CTNNA3: variants seen among roughly 807,000 people sequenced by gnomAD.
The protein encoded by CTNNA3 is catenin alpha 3.
In CTNNA3, 76 loss-of-function variants were observed where a neutral mutation model predicts 95.7. The observed-to-expected ratio is 0.79, with a 90% confidence interval of 0.66 to 0.96. CTNNA3 has a LOEUF of 0.96. Ranked by LOEUF, CTNNA3 falls within the 40% of genes least tolerant of loss-of-function variation. The pLI, the probability that CTNNA3 is intolerant of heterozygous loss-of-function variation, is 0.00. For missense variants in CTNNA3, 1,191 were observed against 1,089.8 expected (o/e 1.09, Z -1.31); for synonymous variants, 431 against 374.4 (o/e 1.15, Z -1.74).
In CTNNA3 at chr10:66,362,569, C is replaced by T. The variant is rs1357893925; in HGVS notation, c.1732+16583G>A. On this transcript the variant is annotated intron_variant, in intron 12 of 17. Coordinates refer to ENST00000433211, the MANE Select transcript of CTNNA3 (RefSeq NM_013266.4). The stretch of plus-strand genomic sequence containing the variant: ...CTACTAAAAAATACAAAAAATTAGC[C>T]GGGTGTGGTGGTGTATGCCAGTAGT... Among the ~76,000 whole-genome samples the T allele has an allele frequency of 8.6e-5, 13 of 151,870 alleles. No individual in the cohort carries two copies. The East Asian group carries it at 2.0e-3, about 23-fold the overall frequency.
chr10:66,143,840 T>C (rs914095236), intron 13 of CTNNA3, among the ~76,000 whole-genome samples: 1 of 152,196 alleles, frequency 6.6e-6, no homozygotes, highest in Non-Finnish European at 1.5e-5. Context: ...GTTACAATTT[T>C]CAGAGTCTGA....
Position 67,480,822 on chromosome 10 carries a change from C to T in CTNNA3, c.579+41020G>A, listed in dbSNP as rs534142009. Among the ~76,000 whole-genome samples the T allele has an allele frequency of 9.2e-5, 14 of 152,214 alleles. No homozygotes were observed. In the South Asian group the frequency reaches 1.7e-3, roughly 18 times the overall value. ...GTCTTTGTCTTAATTCCTCTAACGCCGCTGGGTTGGGGTCTCCATGACCAA... is the reference window on the plus strand; with the variant it reads ...GTCTTTGTCTTAATTCCTCTAACGCTGCTGGGTTGGGGTCTCCATGACCAA... On this transcript the variant is annotated intron_variant, in intron 5 of 17. Coordinates refer to ENST00000433211, the MANE Select transcript of CTNNA3 (RefSeq NM_013266.4).
intron 1 of CTNNA3, among the ~76,000 whole-genome samples, chr10:67,686,968 T>C (rs1269410562): frequency 6.6e-6 from 1 of 152,166 alleles, no homozygotes; most frequent in African/African-American, 2.4e-5. Flanking sequence ...TTGGCTAATA[T>C]GTCCCTCCCT....
chr10:67,049,664 A>G (rs1191794095), intron 7 of CTNNA3, among the ~76,000 whole-genome samples: 1 of 152,224 alleles, frequency 6.6e-6, no homozygotes, highest in Non-Finnish European at 1.5e-5. Flanking sequence ...TTTCAGGGGT[A>G]GAATTTTAGG....
chr10:67,525,021 C>T (rs983891438), intron 4 of CTNNA3, among the ~76,000 whole-genome samples: 2 of 151,992 alleles, frequency 1.3e-5, no homozygotes, highest in African/African-American at 2.4e-5. Context: ...CAGTTGGAGA[C>T]AAGTTGGGGA....
rs3056545 is a variant in CTNNA3, at chr10:66,914,130, CTT to C, written c.1048-138608_1048-138607del. 9.0e-4 allele frequency among the ~76,000 whole-genome samples: 108 copies of C among 120,232 alleles called. 1 individual carries two copies. Among genetic ancestry groups the C allele is most frequent in the African/African-American group, 9.4e-4 (30 of 32,010 alleles). The allele number at this position is 120,232 out of a possible 152,430, so 78.9% of individuals were successfully genotyped here. ...ACCTTGCCCACTGGCAGGGTGCCTT[CTT>C]TTTTTTTTTTTTTTTTGAGACAGAG... On this transcript the variant is annotated intron_variant, in intron 7 of 17. Coordinates refer to ENST00000433211, the MANE Select transcript of CTNNA3 (RefSeq NM_013266.4).
intron 1 of CTNNA3, among the ~76,000 whole-genome samples, chr10:67,716,235 A>G (rs1841142084): frequency 6.6e-6 from 1 of 152,208 alleles, no homozygotes; most frequent in Non-Finnish European, 1.5e-5. Context: ...TATCCCTAAA[A>G]AGGGCCTAAT....
intron 9 of CTNNA3, among the ~76,000 whole-genome samples, chr10:66,738,982 G>T (rs1849239361): frequency 6.6e-6 from 1 of 152,158 alleles, no homozygotes; most frequent in Non-Finnish European, 1.5e-5. Context: ...AATAGAGGAA[G>T]AAAGATAGTG....
intron 7 of CTNNA3, among the ~76,000 whole-genome samples, chr10:67,086,288 G>A (rs924198348): frequency 1.3e-5 from 2 of 152,002 alleles, no homozygotes; most frequent in Non-Finnish European, 2.9e-5. Context: ...TAAAACAGGT[G>A]CAAGATTTTT....
chr10:67,218,562 T>C (rs1168201124), intron 6 of CTNNA3, among the ~76,000 whole-genome samples: 1 of 152,204 alleles, frequency 6.6e-6, no homozygotes, highest in African/African-American at 2.4e-5. Flanking sequence ...CCTTCCCAAA[T>C]GTAACACCTT....
chr10:66,931,138 T>A (rs1388655950), intron 7 of CTNNA3, among the ~76,000 whole-genome samples: 3 of 151,326 alleles, frequency 2.0e-5, no homozygotes, highest in Non-Finnish European at 2.9e-5. Flanking sequence ...GATATTTATT[T>A]TTCTAGTACG....
intron 12 of CTNNA3, among the ~76,000 whole-genome samples, chr10:66,315,505 C>CG (rs2092088317): frequency 1.6e-5 from 2 of 125,054 alleles, no homozygotes; most frequent in Admixed American, 8.5e-5. Flanking sequence ...TCTGACTTCT[C>CG]TTGTGTGTGT....
intron 5 of CTNNA3, among the ~76,000 whole-genome samples, chr10:67,450,861 T>A (rs532924794): frequency 1.3e-5 from 2 of 151,930 alleles, no homozygotes; most frequent in East Asian, 3.9e-4. Context: ...ATATAAATTG[T>A]ATGTAATTTA....
intron 7 of CTNNA3, among the ~76,000 whole-genome samples, chr10:66,975,420 T>C (rs550496436): frequency 6.6e-6 from 1 of 152,218 alleles, no homozygotes; most frequent in Admixed American, 6.5e-5. Context: ...CCTGTTCAGA[T>C]TGGCTTCTGA....
chr10:67,733,576 C>T (rs963821801), intron 1 of CTNNA3, among the ~76,000 whole-genome samples: 2 of 152,164 alleles, frequency 1.3e-5, no homozygotes, highest in South Asian at 4.1e-4. Flanking sequence ...CTAAATTATA[C>T]TCACCACTTA....
intron 7 of CTNNA3, among the ~76,000 whole-genome samples, chr10:66,913,238 C>CAAAAAAAAAAAAAAAAAAAAAAAAAA (rs1161880781): frequency 2.4e-4 from 8 of 33,536 alleles, no homozygotes; most frequent in Non-Finnish European, 3.5e-4. Flanking sequence ...GACTCCGTCT[C>CAAAAAAAAAAAAAAAAAAAAAAAAAA]AAAAAAAAAA....
At chr10:67,511,422 T>C (rs1839623895) in intron 5 of CTNNA3, among the ~76,000 whole-genome samples, 1 of 152,192 alleles carries the variant, frequency 6.6e-6, no homozygotes, top group Non-Finnish European at 1.5e-5. Flanking sequence ...TGAATTTTGT[T>C]GAAGGCCTTT....
chr10:66,813,797 A>T (rs2132270480), intron 7 of CTNNA3, among the ~76,000 whole-genome samples: 1 of 151,990 alleles, frequency 6.6e-6, no homozygotes, highest in Admixed American at 6.6e-5. Flanking sequence ...GCAGAATCAG[A>T]TTTGCCTTAG....
At chr10:66,239,165 T>A (rs2089994572) in intron 13 of CTNNA3, among the ~76,000 whole-genome samples, 1 of 151,822 alleles carries the variant, frequency 6.6e-6, no homozygotes, top group African/African-American at 2.4e-5. Context: ...AATCAATTAA[T>A]TACAATTTTA....
Sources: gnomAD v4.1 joint callset for allele counts (sites outside exome capture counted in the v4.1 genomes callset) on GRCh38, gnomAD v4.1.1 for gene constraint, MANE v1.5 for transcripts, NCBI Gene and HGNC (gene_info 2026-07-23, HGNC 2026-07-21) for gene names.